The following CPT2 variants were observed in gnomAD, a reference collection of about 807,000 sequenced individuals.
CPT2 encodes carnitine O-palmitoyltransferase 2, mitochondrial.
A neutral mutation model predicts 48.6 loss-of-function variants in CPT2; 37 were observed. The ratio of observed to expected loss-of-function variants is 0.76; its 90% CI spans 0.59 to 1.00. The LOEUF (loss-of-function observed/expected upper bound fraction) is 1.00, where lower values mean the gene tolerates loss of function less well. Among genes scored for constraint, CPT2 ranks in the 50% least tolerant of loss-of-function variants. CPT2 has a pLI of 0.00. For synonymous variants in CPT2, 319 were observed against 326.9 expected (o/e 0.98, Z 0.26); for missense variants, 772 against 825.6 (o/e 0.94, Z 0.80).
rs1338393385 is a variant in CPT2 at position 53,197,317 on chromosome 1, ATCTCAGATTCTCCATCTTGAACGCT to A, written c.152+233_152+257del. The stretch of plus-strand genomic sequence containing the variant: ...TTCTCTTCCAGAACCCCTCGATGCT[ATCTCAGATTCTCCATCTTGAACGCT>A]TCTCAGATTCCCTCTCCTTTAACCT... On this transcript the variant is annotated intron_variant, in intron 1 of 4. Transcript: ENST00000371486. 40 of 619,098 alleles carry A rather than the reference ATCTCAGATTCTCCATCTTGAACGCT, an allele frequency of 6.5e-5. No homozygotes were observed. In the African/African-American group the frequency reaches 7.3e-4, roughly 11 times the overall value. The allele number at this position is 619,098 out of a possible 1,614,324, so 38.4% of individuals were successfully genotyped here.
chr1:53,201,147 A>T (rs1293438792), intron 2 of CPT2: 1 of 345,650 alleles, frequency 2.9e-6, no homozygotes, highest in Non-Finnish European at 5.6e-6. Context: ...ACGGCAGACC[A>T]GAAGTCTGCA....
In CPT2 at chr1:53,197,038, G is replaced by A. The variant is rs1273931137; in HGVS notation, c.95G>A (p.Gly32Asp). ...SRPLSAGSGP[G>D]QYLQRSIVPT... ...CCCCTCAGCGCCGGCTCCGGGCCCG[G>A]CCAGTACCTGCAGCGCAGCATCGTG... The change falls in exon 1 of 5, where the codon GGC (glycine) becomes GAC (aspartate). Residue 32 changes from glycine (G) to aspartate (D), a missense_variant. Gly to Asp is a moderately conservative substitution (Grantham distance 94, BLOSUM62 -1). Transcript: ENST00000371486. The A allele has an allele frequency of 6.5e-7, 1 of 1,538,196 alleles. No individual in the cohort carries two copies. The highest frequency in any genetic ancestry group is 2.4e-5 in the East Asian group (1 of 40,824).
At position 53,210,717 on chromosome 1, in the gene CPT2, CA is replaced by C; in HGVS notation, c.1046del (p.Asn349ThrfsTer71). 6.2e-7 allele frequency: 1 copy of C among 1,614,200 alleles called. No individual in the cohort carries two copies. The highest frequency in any genetic ancestry group is 8.5e-7 in the Non-Finnish European group (1 of 1,180,036). ...CACAATATGCTGCATGGGGATGGCA[CA>C]AACCGCTGGTTTGATAAATCCTTTA... ...LSHNMLHGDG[T>X]NRWFDKSFNL... On this transcript the variant is annotated frameshift_variant, in exon 4 of 5. Coordinates refer to ENST00000371486, the MANE Select transcript of CPT2 (RefSeq NM_000098.3). LOFTEE classifies it high-confidence loss of function.
chr1:53,210,772 T>C lies in CPT2; in HGVS notation c.1098T>C (p.Thr366=). The change falls in exon 4 of 5, where the codon ACT becomes ACC. Residue 366 remains threonine, a synonymous_variant. Coordinates refer to ENST00000371486, the MANE Select transcript of CPT2 (RefSeq NM_000098.3). ...FNLIIAKDGS[T]AVHFEHSWGD... ...TCATTATCGCCAAGGATGGCTCTAC[T>C]GCCGTCCACTTTGAGCACTCTTGGG... 1 of 1,614,200 alleles carries C rather than the reference T, an allele frequency of 6.2e-7. No homozygotes were observed. Among genetic ancestry groups the C allele is most frequent in the Non-Finnish European group, 8.5e-7 (1 of 1,180,022 alleles).
At chr1:53,208,442 T>C (rs536785088) in intron 3 of CPT2, 1 of 152,380 alleles carries the variant, frequency 6.6e-6, no homozygotes, top group Non-Finnish European at 1.5e-5. Flanking sequence ...GAACTTTCCC[T>C]GACATATTTT....
intron 3 of CPT2, among the ~76,000 whole-genome samples, chr1:53,204,487 T>C (rs1309817865): frequency 6.6e-6 from 1 of 152,192 alleles, no homozygotes; most frequent in Non-Finnish European, 1.5e-5. Flanking sequence ...TCCAAGTTGC[T>C]TTTCTTCTGT....
chr1:53,199,672 CTGAG>C (rs1267651599), intron 1 of CPT2: 1 of 152,152 alleles, frequency 6.6e-6, no homozygotes, highest in Non-Finnish European at 1.5e-5. Context: ...TGGAATTTTT[CTGAG>C]TAAGTCAGTG....
chr1:53,212,019 A>T (rs942457343), intron 4 of CPT2, among the ~76,000 whole-genome samples: 2 of 151,734 alleles, frequency 1.3e-5, no homozygotes, highest in African/African-American at 4.8e-5. Flanking sequence ...CAGCCTCCCA[A>T]ATAGCTGGGA....
rs903915351 is a variant in CPT2 at position 53,213,532 on chromosome 1, A to G, written c.1914A>G (p.Gln638=). 19 of 1,614,104 alleles carry G rather than the reference A, an allele frequency of 1.2e-5. No individual in the cohort carries two copies. The change falls in exon 5 of 5, where the codon CAA becomes CAG. Residue 638 remains glutamine (Q), a synonymous_variant. Coordinates refer to ENST00000371486, the MANE Select transcript of CPT2 (RefSeq NM_000098.3). ...GCCGCAATGCCCGGGAGTTTCTCCA[A>G]TGTGTGGAGAAGGCCTTAGAAGACA... ...YPGRNAREFL[Q]CVEKALEDMF...
chr1:53,210,400 C>T lies in CPT2; in HGVS notation c.726C>T (p.His242=), dbSNP rs1389247990. 1.2e-6 allele frequency: 2 copies of T among 1,614,158 alleles called. No individual in the cohort carries two copies. The highest frequency in any genetic ancestry group is 1.7e-5 in the Admixed American group (1 of 60,026). The change falls in exon 4 of 5, where the codon CAC becomes CAT. Residue 242 remains histidine, a synonymous_variant. Transcript: ENST00000371486. ...DELFTDDKAR[H]LLVLRKGNFY... ...TCTTCACTGATGACAAGGCCAGACA[C>T]CTCCTGGTCCTAAGGAAAGGAAATT...
At chr1:53,203,030 A>G (rs1645364096) in intron 3 of CPT2, 1 of 157,152 alleles carries the variant, frequency 6.4e-6, no homozygotes, top group African/African-American at 2.4e-5. Context: ...ATATTTACCA[A>G]GGTTATACAT....
intron 1 of CPT2, chr1:53,197,307 C>G (rs1645329847): frequency 6.2e-6 from 4 of 640,376 alleles, no homozygotes. Flanking sequence ...TTCCAGAACC[C>G]CTCGATGCTA....
chr1:53,202,468 C>A, intron 3 of CPT2, 39 bp downstream of exon 3: 2 of 1,494,440 alleles, frequency 1.3e-6, no homozygotes, highest in Non-Finnish European at 1.9e-6. Flanking sequence ...TCTCCCAGAG[C>A]CCTCCATAAT....
intron 1 of CPT2, chr1:53,199,869 T>G (rs1041701248): frequency 6.6e-6 from 1 of 152,252 alleles, no homozygotes; most frequent in African/African-American, 2.4e-5. Flanking sequence ...GTATCATGTT[T>G]CAGTTTTCCT....
At chr1:53,200,983 A>C in intron 2 of CPT2, 184 bp downstream of exon 2, 1 of 662,838 alleles carries the variant, frequency 1.5e-6, no homozygotes. Flanking sequence ...CCAAGCCCCG[A>C]GAGTTCCTCT....
chr1:53,213,900 T>A lies in CPT2; in HGVS notation c.*305T>A, dbSNP rs994459489. 7 of 377,666 alleles carry A rather than the reference T, an allele frequency of 1.9e-5. No individual in the cohort carries two copies. Among genetic ancestry groups the A allele is most frequent in the African/African-American group, 1.5e-4 (7 of 48,048 alleles). The allele number at this position is 377,666 out of a possible 1,614,324, so 23.4% of individuals were successfully genotyped here. On this transcript the variant is annotated 3_prime_UTR_variant, in exon 5 of 5. Coordinates refer to ENST00000371486, the MANE Select transcript of CPT2 (RefSeq NM_000098.3). ...GAGATCACACCACTGCACTCCGGCCTGGGCGACAGAGCGAGACTGTCTCAA... is the reference window on the plus strand; with the variant it reads ...GAGATCACACCACTGCACTCCGGCCAGGGCGACAGAGCGAGACTGTCTCAA...
At chr1:53,199,315 C>T (rs539394109) in intron 1 of CPT2, among the ~76,000 whole-genome samples, 132 of 152,282 alleles carry the variant, frequency 8.7e-4, no homozygotes, top group African/African-American at 3.0e-3. Context: ...CTCTTGGCCT[C>T]CCATCTGGGA....
Position 53,210,874 on chromosome 1 carries a change from GA to G in CPT2, c.1201del (p.Ser401AlafsTer19). Reference protein sequence around the residue: ...STQTPAVTPQSQPATTDSTVT... With the variant: ...STQTPAVTPQXQPATTDSTVT... The stretch of plus-strand genomic sequence containing the variant: ...CTCAGACCCCTGCCGTCACTCCACA[GA>G]GCCAGCCAGCTACCACTGACTCTAC... On this transcript the variant is annotated frameshift_variant, in exon 4 of 5. Transcript: ENST00000371486. LOFTEE classifies it high-confidence loss of function. The G allele has an allele frequency of 1.2e-6, 2 of 1,614,188 alleles. No homozygotes were observed. The highest frequency in any genetic ancestry group is 1.7e-6 in the Non-Finnish European group (2 of 1,180,036).
rs1553170033 is a variant in CPT2 at position 53,213,550 on chromosome 1, A to AG, written c.1933dup (p.Glu645GlyfsTer5). 9 of 1,614,206 alleles carry AG rather than the reference A, an allele frequency of 5.6e-6. No homozygotes were observed. Among genetic ancestry groups the AG allele is most frequent in the Non-Finnish European group, 7.6e-6 (9 of 1,180,030 alleles). On this transcript the variant is annotated frameshift_variant, in exon 5 of 5. Transcript: ENST00000371486. LOFTEE classifies it high-confidence loss of function. ...TTCTCCAATGTGTGGAGAAGGCCTTAGAAGACATGTTTGATGCCTTAGAAG... is the reference window on the plus strand; with the variant it reads ...TTCTCCAATGTGTGGAGAAGGCCTTAGGAAGACATGTTTGATGCCTTAGAAG...
Sources: gnomAD v4.1 joint callset for allele counts (sites outside exome capture counted in the v4.1 genomes callset) on GRCh38, gnomAD v4.1.1 for gene constraint, MANE v1.5 for transcripts, NCBI Gene and HGNC (gene_info 2026-07-23, HGNC 2026-07-21) for gene names.